The following TRAK2 variants were observed in gnomAD, a reference collection of about 807,000 sequenced individuals.
The protein encoded by TRAK2 is trafficking kinesin protein 2, also known as trafficking kinesin-binding protein 2.
Under a neutral mutation model 104.6 loss-of-function variants are expected in TRAK2, and 81 were observed. The observed-to-expected ratio is 0.77, with a 90% confidence interval of 0.65 to 0.93. The LOEUF (loss-of-function observed/expected upper bound fraction) is 0.93, where lower values mean the gene tolerates loss of function less well. Ranked by LOEUF, TRAK2 falls within the 40% of genes least tolerant of loss-of-function variation. The pLI is 0.00. For missense variants in TRAK2, 1,002 were observed against 1,089.0 expected, an observed-to-expected ratio of 0.92 and a Z score of 1.12; for synonymous variants, 406 against 394.4, an observed-to-expected ratio of 1.03 and a Z score of -0.35.
chr2:201,377,357 G>A lies in TRAK2; in HGVS notation c.*3186C>T, dbSNP rs1405499853. ...TAGAGGGCACTTGTGCCCACTCTGAGGGGGATGTCCTCTGCCATGCGACCG... is the reference window on the plus strand; with the variant it reads ...TAGAGGGCACTTGTGCCCACTCTGAAGGGGATGTCCTCTGCCATGCGACCG... On this transcript the variant is annotated 3_prime_UTR_variant, in exon 16 of 16. Transcript: ENST00000332624. 1 of 152,218 alleles carries A rather than the reference G, an allele frequency of 6.6e-6. No homozygotes were observed. The highest frequency in any genetic ancestry group is 1.5e-5 in the Non-Finnish European group (1 of 68,042). The allele number at this position is 152,218 out of a possible 1,614,324, so 9.4% of individuals were successfully genotyped here.
intron 3 of TRAK2, 77 bp from the exon 4 acceptor site, chr2:201,401,171 T>C: frequency 3.7e-6 from 3 of 802,882 alleles, no homozygotes; most frequent in Non-Finnish European, 5.8e-6. Flanking sequence ...AATTGAGAGA[T>C]AACAACAACA....
rs564106929 is a variant in TRAK2 at position 201,405,134 on chromosome 2, C to A, written c.286+2269G>T. ...GTGTCTTAGGGTGTATAGCTTAATT[C>A]TCTTGTGGAACCGAAGGAGAGAGCT... is the stretch of plus-strand genomic sequence containing the variant. On this transcript the variant is annotated intron_variant, in intron 3 of 15. Coordinates refer to ENST00000332624, the MANE Select transcript of TRAK2 (RefSeq NM_015049.3). Among the ~76,000 whole-genome samples, 3 of 152,272 alleles carry A rather than the reference C, an allele frequency of 2.0e-5. No homozygotes were observed. The East Asian group carries it at 5.8e-4, about 29-fold the overall frequency.
At chr2:201,412,687 T>C in intron 2 of TRAK2, 1 of 1,495,152 alleles carries the variant, frequency 6.7e-7, no homozygotes, top group Non-Finnish European at 9.3e-7. Context: ...TTTAGGCTCT[T>C]GTTCAGAAGG....
rs1380696212 is a variant in TRAK2 at position 201,411,086 on chromosome 2, A to C, written c.92-3489T>G. On this transcript the variant is annotated intron_variant, in intron 2 of 15. Transcript: ENST00000332624. ...ACATCATGTCAATGCCCATGGAAGG[A>C]ACAGAAGTGAACGTACTTGAAGCAG... is the stretch of plus-strand genomic sequence containing the variant. 4 of 1,122,966 alleles carry C rather than the reference A, an allele frequency of 3.6e-6. No homozygotes were observed. In the East Asian group the frequency reaches 9.4e-5, roughly 26 times the overall value. The allele number at this position is 1,122,966 out of a possible 1,614,324, so 69.6% of individuals were successfully genotyped here.
At chr2:201,408,543 G>A (rs1383187722) in intron 2 of TRAK2, among the ~76,000 whole-genome samples, 1 of 152,068 alleles carries the variant, frequency 6.6e-6, no homozygotes, top group Non-Finnish European at 1.5e-5. Flanking sequence ...TTAAAGTTCA[G>A]AATTTGTAGA....
chr2:201,399,304 ACC>A (rs1241797909), intron 5 of TRAK2, 71 bp downstream of exon 5: 17 of 979,294 alleles, frequency 1.7e-5, no homozygotes, highest in Admixed American at 5.7e-5. Context: ...TTTCAGGGAC[ACC>A]TAGGAAAATA....
At chr2:201,431,077 T>A (rs1559452972) in intron 1 of TRAK2, among the ~76,000 whole-genome samples, 1 of 152,214 alleles carries the variant, frequency 6.6e-6, no homozygotes, top group Non-Finnish European at 1.5e-5. Context: ...AATCTTCACA[T>A]AGAAGGACAT....
At chr2:201,440,596 T>C (rs1479679963) in intron 1 of TRAK2, among the ~76,000 whole-genome samples, 1 of 152,242 alleles carries the variant, frequency 6.6e-6, no homozygotes, top group East Asian at 1.9e-4. Flanking sequence ...AAAAGACAGC[T>C]CTTCCTCTAT....
chr2:201,429,672 C>G (rs1261674500), intron 1 of TRAK2, among the ~76,000 whole-genome samples: 2 of 152,220 alleles, frequency 1.3e-5, no homozygotes, highest in Non-Finnish European at 2.9e-5. Context: ...GAAGCTTGCG[C>G]ATGCGTCACA....
At position 201,384,210 on chromosome 2, in the gene TRAK2, G is replaced by T. The variant is rs142149505; in HGVS notation, c.1970C>A (p.Thr657Asn). Residue 657 changes from threonine to asparagine, a missense_variant, in exon 15 of 16, where the codon ACC (threonine) becomes AAC (asparagine). Thr to Asn is a moderately conservative substitution (Grantham distance 65). Coordinates refer to ENST00000332624, the MANE Select transcript of TRAK2 (RefSeq NM_015049.3). ...CGACAGGCACTTTCCTGGGTTGGCG[G>T]TTGCAACTGAAATAGATTTTTAGGG... ...TSAGGPVTVA[T>N]ANPGKCLSCT... The T allele has an allele frequency of 8.7e-6, 14 of 1,611,620 alleles. No homozygotes were observed. In the Admixed American group the frequency reaches 1.0e-4, roughly 12 times the overall value.
chr2:201,444,447 T>G (rs985139673), intron 1 of TRAK2, among the ~76,000 whole-genome samples: 6 of 151,178 alleles, frequency 4.0e-5, no homozygotes, highest in Non-Finnish European at 8.8e-5. Context: ...CTCTGGGCCT[T>G]TGTAACTGTT....
chr2:201,404,727 C>A (rs1951578657), intron 3 of TRAK2, among the ~76,000 whole-genome samples: 1 of 152,170 alleles, frequency 6.6e-6, no homozygotes, highest in Admixed American at 6.5e-5. Flanking sequence ...AAAAAGAATT[C>A]TAATCTTGCA....
In TRAK2 at chr2:201,390,398, C is replaced by CAA. The variant is rs35677800; in HGVS notation, c.1114-520_1114-519dup. Among the ~76,000 whole-genome samples the CAA allele has an allele frequency of 1.2e-3, 156 of 130,382 alleles. 2 individuals carry two copies. The highest frequency in any genetic ancestry group is 3.1e-3 in the East Asian group (14 of 4,546). The allele number at this position is 130,382 out of a possible 152,430, so 85.5% of individuals were successfully genotyped here. ...TCTCTACTAAAAATACAAAAAAATA[C>CAA]AAAAAAAAAAAAAAAATTAGCCGGG... On this transcript the variant is annotated intron_variant, in intron 10 of 15. Coordinates refer to ENST00000332624, the MANE Select transcript of TRAK2 (RefSeq NM_015049.3).
Position 201,399,330 on chromosome 2 carries a change from A to C in TRAK2, c.480+47T>G, listed in dbSNP as rs202166530. 6 of 1,359,338 alleles carry C rather than the reference A, an allele frequency of 4.4e-6. No individual in the cohort carries two copies. In the African/African-American group the frequency reaches 5.7e-5, roughly 13 times the overall value. The allele number at this position is 1,359,338 out of a possible 1,614,324, so 84.2% of individuals were successfully genotyped here. On this transcript the variant is annotated intron_variant, in intron 5 of 15. Coordinates refer to ENST00000332624, the MANE Select transcript of TRAK2 (RefSeq NM_015049.3). ...CCTAGGAAAATAAATTTTCAATTGC[A>C]TAAAACCTAATTATTTCATACTGCA...
chr2:201,399,631 A>G (rs1951532831), intron 4 of TRAK2, 138 bp from the exon 5 acceptor site: 1 of 624,524 alleles, frequency 1.6e-6, no homozygotes, highest in Non-Finnish European at 2.9e-6. Flanking sequence ...ATTAAAATGA[A>G]TAAACACAGG....
intron 2 of TRAK2, chr2:201,419,095 C>T (rs934331065): frequency 6.6e-6 from 1 of 152,100 alleles, no homozygotes; most frequent in Non-Finnish European, 1.5e-5. Flanking sequence ...TAGATATGGT[C>T]AGTAAGCACA....
chr2:201,389,497 T>A lies in TRAK2; in HGVS notation c.1200A>T (p.Gln400His), dbSNP rs766179526. The change falls in exon 12 of 16, where the codon CAA (glutamine) becomes CAT (histidine). Residue 400 changes from glutamine (Q) to histidine (H), a missense_variant. Transcript: ENST00000332624. ...TGACGGTATCAAATACCCGCTTCTG[T>A]TGGGCTCTGTCAAAAAAGGAAGTGT... Reference protein sequence around the residue: ...EESSLFKQKAQQKRVFDTVRI... With the variant: ...EESSLFKQKAHQKRVFDTVRI... 6.2e-7 allele frequency: 1 copy of A among 1,613,916 alleles called. No homozygotes were observed. Among genetic ancestry groups the A allele is most frequent in the Non-Finnish European group, 8.5e-7 (1 of 1,180,020 alleles).
intron 15 of TRAK2, 40 bp from the exon 16 acceptor site, chr2:201,381,258 A>G: frequency 6.5e-7 from 1 of 1,527,214 alleles, no homozygotes; most frequent in South Asian, 1.3e-5. Flanking sequence ...AGTGTTTAAG[A>G]ATAAAAAGCA....
At chr2:201,381,921 C>G (rs1951348786) in intron 15 of TRAK2, among the ~76,000 whole-genome samples, 1 of 152,116 alleles carries the variant, frequency 6.6e-6, no homozygotes, top group Admixed American at 6.6e-5. Flanking sequence ...GCTTCGACAA[C>G]TATTCAGTAA....
Sources: allele counts gnomAD v4.1 joint callset (sites outside exome capture counted in the v4.1 genomes callset), GRCh38; gene constraint gnomAD v4.1.1; transcripts MANE v1.5; gene names NCBI Gene and HGNC (gene_info 2026-07-23, HGNC 2026-07-21).